DNAH11: variants seen among roughly 807,000 people sequenced by gnomAD.
The protein encoded by DNAH11 is dynein axonemal heavy chain 11, also known as axonemal beta dynein heavy chain 11.
DNAH11 carries 442 observed loss-of-function variants against 526.0 expected under a neutral mutation model. The ratio of observed to expected loss-of-function variants is 0.84; its 90% CI spans 0.78 to 0.91. The LOEUF (loss-of-function observed/expected upper bound fraction) is 0.91, where lower values mean the gene tolerates loss of function less well. Among genes scored for constraint, DNAH11 ranks in the 40% least tolerant of loss-of-function variants. The pLI is 0.00. For missense variants in DNAH11, 6,989 were observed against 5,448.7 expected (o/e 1.28, Z -8.90); for synonymous variants, 2,461 against 1,935.9 (o/e 1.27, Z -7.12).
chr7:21,598,858 A>G (rs1464652628), intron 14 of DNAH11, among the ~76,000 whole-genome samples: 1 of 152,098 alleles, frequency 6.6e-6, no homozygotes, highest in African/African-American at 2.4e-5. Flanking sequence ...CTGCTCCTGC[A>G]TTAGTTTGCT....
intron 39 of DNAH11, among the ~76,000 whole-genome samples, chr7:21,707,178 G>A (rs1431908582): frequency 6.6e-6 from 1 of 152,162 alleles, no homozygotes; most frequent in Non-Finnish European, 1.5e-5. Flanking sequence ...AGGTCTCAAA[G>A]CATGGCCAGA....
chr7:21,591,248 G>A lies in DNAH11; in HGVS notation c.2338G>A (p.Val780Ile), dbSNP rs1369057542. ...YNKLKQTLLE[V>I]EYPLIEDELR... ...TAAACTCAAACAGACGCTCCTGGAA[G>A]TTGAATACCCTCTGATTGAAGATGA... Residue 780 changes from valine (V) to isoleucine (I), a missense_variant, in exon 14 of 82, where the codon GTT (valine) becomes ATT (isoleucine). Transcript: ENST00000409508. The A allele has an allele frequency of 3.1e-6, 5 of 1,599,748 alleles. No individual in the cohort carries two copies. Among genetic ancestry groups the A allele is most frequent in the Non-Finnish European group, 4.3e-6 (5 of 1,172,418 alleles).
intron 5 of DNAH11, 77 bp from the exon 6 acceptor site, chr7:21,564,109 C>G (rs1490207387): frequency 8.9e-7 from 1 of 1,118,300 alleles, no homozygotes. Flanking sequence ...ACGTGGCTCT[C>G]TTCTACATGT....
chr7:21,621,450 A>G (rs1307897184), intron 25 of DNAH11, among the ~76,000 whole-genome samples: 2 of 152,046 alleles, frequency 1.3e-5, no homozygotes, highest in African/African-American at 2.4e-5. Flanking sequence ...GAAAAAGAGG[A>G]AATCCTCCCT....
At chr7:21,594,171 C>T (rs922846121) in intron 14 of DNAH11, among the ~76,000 whole-genome samples, 1 of 151,846 alleles carries the variant, frequency 6.6e-6, no homozygotes, top group African/African-American at 2.4e-5. Context: ...AAACCAGAGT[C>T]TTCCAGAGGC....
Position 21,859,908 on chromosome 7 carries a change from A to G in DNAH11, c.11203-1945A>G, listed in dbSNP as rs186930079. Among the ~76,000 whole-genome samples the G allele has an allele frequency of 1.8e-3, 267 of 152,280 alleles. 2 individuals are homozygous for G. The highest frequency in any genetic ancestry group is 3.9e-3 in the Admixed American group (60 of 15,292). ...ACAACAACGACAACAAAACACAGCA[A>G]ATAACCAGATTTTAAAATAAGGACA... On this transcript the variant is annotated intron_variant, in intron 68 of 81. Coordinates refer to ENST00000409508, the MANE Select transcript of DNAH11 (RefSeq NM_001277115.2).
intron 30 of DNAH11, among the ~76,000 whole-genome samples, chr7:21,666,645 T>C (rs1380494018): frequency 6.6e-6 from 1 of 152,108 alleles, no homozygotes; most frequent in Non-Finnish European, 1.5e-5. Flanking sequence ...AGGAAGTCTT[T>C]TAAAAAATTT....
In DNAH11 at chr7:21,704,484, C is replaced by T. The variant is rs750144228; in HGVS notation, c.6324C>T (p.Asp2108=). The T allele has an allele frequency of 5.0e-6, 8 of 1,613,598 alleles. No homozygotes were observed. Among genetic ancestry groups the T allele is most frequent in the Middle Eastern group, 1.6e-4 (1 of 6,084 alleles). The change falls in exon 38 of 82, where the codon GAC becomes GAT. Residue 2108 remains aspartate, a synonymous_variant. Coordinates refer to ENST00000409508, the MANE Select transcript of DNAH11 (RefSeq NM_001277115.2). The part of the protein sequence containing the change: ...RDFNMPKIVT[D]DIPVFLGLVG... ...TCAATATGCCCAAAATAGTGACTGA[C>T]GACATCCCAGTGTTTCTGGGCCTGG... is the stretch of plus-strand genomic sequence containing the variant.
Position 21,717,885 on chromosome 7 carries a change from T to C in DNAH11, c.7094T>C (p.Phe2365Ser). Residue 2365 changes from phenylalanine to serine, a missense_variant, in exon 43 of 82, where the codon TTT (phenylalanine) becomes TCT (serine). Phe to Ser is a radical substitution (Grantham distance 155, BLOSUM62 -2). Coordinates refer to ENST00000409508, the MANE Select transcript of DNAH11 (RefSeq NM_001277115.2). ...PACLDKLRTS[F>S]KTITSIPESS... ...TGCTTGGATAAACTGAGAACAAGCT[T>C]TAAAACCATCACTTCAATTCCTGAG... The C allele has an allele frequency of 6.2e-7, 1 of 1,613,846 alleles. No homozygotes were observed. The highest frequency in any genetic ancestry group is 1.1e-5 in the South Asian group (1 of 91,042).
intron 69 of DNAH11, among the ~76,000 whole-genome samples, chr7:21,864,135 C>A (rs1783176911): frequency 6.6e-6 from 1 of 152,110 alleles, no homozygotes; most frequent in African/African-American, 2.4e-5. Context: ...AACTACTATA[C>A]CAGAATTAAC....
intron 77 of DNAH11, 129 bp downstream of exon 77, chr7:21,892,796 C>A (rs1195921494): frequency 9.2e-7 from 1 of 1,082,398 alleles, no homozygotes; most frequent in Non-Finnish European, 1.3e-6. Context: ...CCACCTAGAT[C>A]AAAATAACAT....
intron 12 of DNAH11, among the ~76,000 whole-genome samples, chr7:21,590,545 T>C (rs1375527616): frequency 6.6e-6 from 1 of 152,196 alleles, no homozygotes; most frequent in Non-Finnish European, 1.5e-5. Flanking sequence ...AAGCATACTC[T>C]GCACCCAAAT....
intron 62 of DNAH11, among the ~76,000 whole-genome samples, chr7:21,804,903 A>C (rs1789187718): frequency 6.6e-6 from 1 of 152,202 alleles, no homozygotes; most frequent in African/African-American, 2.4e-5. Flanking sequence ...ACTGACCTGC[A>C]AGGCCCTACA....
intron 46 of DNAH11, among the ~76,000 whole-genome samples, chr7:21,737,174 C>A (rs960647629): frequency 9.9e-5 from 15 of 152,070 alleles, no homozygotes; most frequent in African/African-American, 3.6e-4. Flanking sequence ...GATAGAAGGA[C>A]CAGCTTAAGC....
rs1786364354 is a variant in DNAH11, at chr7:21,750,411, G to C, written c.8940+47G>C. The C allele has an allele frequency of 1.9e-6, 3 of 1,556,710 alleles. No homozygotes were observed. In the East Asian group the frequency reaches 7.1e-5, roughly 37 times the overall value. On this transcript the variant is annotated intron_variant, in intron 54 of 81. Transcript: ENST00000409508. ...TGCATGTTAGTTAAAACCTGCTATTGCAACTCTCTGGTTCTATTCTGAGTT... is the reference window on the plus strand; with the variant it reads ...TGCATGTTAGTTAAAACCTGCTATTCCAACTCTCTGGTTCTATTCTGAGTT...
intron 30 of DNAH11, among the ~76,000 whole-genome samples, chr7:21,674,557 T>A (rs1782788154): frequency 6.6e-6 from 1 of 152,162 alleles, no homozygotes; most frequent in East Asian, 1.9e-4. Context: ...GATACAGGGT[T>A]TCGCCATGTT....
chr7:21,569,973 A>T, intron 6 of DNAH11, 96 bp from the exon 7 acceptor site: 1 of 990,138 alleles, frequency 1.0e-6, no homozygotes, highest in Non-Finnish European at 1.4e-6. Context: ...AACTTTAGAT[A>T]CTGGCATTTA....
rs1162006030 is a variant in DNAH11 at position 21,666,725 on chromosome 7, T to C, written c.5328+7694T>C. 3.9e-5 allele frequency among the ~76,000 whole-genome samples: 6 copies of C among 151,920 alleles called. No homozygotes were observed. In the South Asian group the frequency reaches 1.0e-3, roughly 26 times the overall value. On this transcript the variant is annotated intron_variant, in intron 30 of 81. Transcript: ENST00000409508. The stretch of plus-strand genomic sequence containing the variant: ...CCTGAATAGAGAAGCCTGTCAAGCC[T>C]GGAGCTACCAAGTGTATATTGGACA...
chr7:21,872,138 A>AAAAACAAACAAAC lies in DNAH11; in HGVS notation c.11968-1132_11968-1131insCAAACAAACAAAA, dbSNP rs1554291076. On this transcript the variant is annotated intron_variant, in intron 73 of 81. Coordinates refer to ENST00000409508, the MANE Select transcript of DNAH11 (RefSeq NM_001277115.2). ...GACTCTGTCTCAAAAAAAAAAAAAAAAAAAAAAAAAACCTTCATAATGACC... is the reference window on the plus strand; with the variant it reads ...GACTCTGTCTCAAAAAAAAAAAAAAAAAAACAAACAAACAAAAAAAAAAACCTTCATAATGACC... Among the ~76,000 whole-genome samples the AAAAACAAACAAAC allele has an allele frequency of 3.6e-4, 47 of 128,914 alleles. 6 individuals carry two copies. Among genetic ancestry groups the AAAAACAAACAAAC allele is most frequent in the African/African-American group, 1.5e-3 (44 of 29,330 alleles). 84.6% of individuals were successfully genotyped at this position (128,914 alleles called of 152,430 possible). A position where few individuals can be genotyped will look rare whatever the true frequency, so the allele number is the denominator to read the frequency against.
Sources: allele counts gnomAD v4.1 joint callset (sites outside exome capture counted in the v4.1 genomes callset), GRCh38; gene constraint gnomAD v4.1.1; transcripts MANE v1.5; gene names NCBI Gene and HGNC (gene_info 2026-07-23, HGNC 2026-07-21).